Variants in NPR3 observed in about 807,000 individuals in gnomAD.
NPR3 encodes the protein natriuretic peptide receptor 3.
Under a neutral mutation model 54.5 loss-of-function variants are expected in NPR3, and 34 were observed. That is an observed-to-expected ratio of 0.62 (90% CI 0.47 to 0.83). The LOEUF is 0.83. Ranked by LOEUF, NPR3 falls within the 40% of genes least tolerant of loss-of-function variation. NPR3 has a pLI of 0.00. For missense variants in NPR3, 674 were observed against 720.8 expected (o/e 0.94, Z 0.74); for synonymous variants, 289 against 297.1 (o/e 0.97, Z 0.28).
intron 3 of NPR3, among the ~76,000 whole-genome samples, chr5:32,763,015 A>G (rs1394043124): frequency 2.0e-5 from 3 of 152,108 alleles, no homozygotes; most frequent in Non-Finnish European, 4.4e-5. Context: ...TGTATAAGGT[A>G]TAAGGAAGGG....
chr5:32,731,752 G>A (rs189540176), intron 2 of NPR3, among the ~76,000 whole-genome samples: 23 of 152,124 alleles, frequency 1.5e-4, no homozygotes, highest in Admixed American at 3.9e-4. Flanking sequence ...CAAGGACCTC[G>A]GTGCATTAGG....
Position 32,739,037 on chromosome 5 carries a change from G to C in NPR3, c.1059+7G>C. On this transcript the variant is annotated splice_region_variant and intron_variant, in intron 3 of 7. Transcript: ENST00000265074. ...GCTCAATATGGAGGATTACGTAAGT[G>C]CCTGATTATGAGCCTAGACCTTTAG... 1 of 1,613,080 alleles carries C rather than the reference G, an allele frequency of 6.2e-7. No homozygotes were observed. Among genetic ancestry groups the C allele is most frequent in the South Asian group, 1.1e-5 (1 of 90,914 alleles).
chr5:32,735,309 G>A (rs545000192), intron 2 of NPR3, among the ~76,000 whole-genome samples: 13 of 151,814 alleles, frequency 8.6e-5, no homozygotes, highest in Admixed American at 1.3e-4. Context: ...TCTCTTTGGC[G>A]TCATCTGTGA....
At chr5:32,757,443 T>C (rs1561114277) in intron 3 of NPR3, among the ~76,000 whole-genome samples, 1 of 152,240 alleles carries the variant, frequency 6.6e-6, no homozygotes, top group Non-Finnish European at 1.5e-5. Flanking sequence ...TTTTTGTACA[T>C]TGATTTTGTA....
At chr5:32,738,204 G>A (rs1057437537) in intron 2 of NPR3, among the ~76,000 whole-genome samples, 1 of 152,006 alleles carries the variant, frequency 6.6e-6, no homozygotes, top group African/African-American at 2.4e-5. Flanking sequence ...TTGTTACATA[G>A]GTATACACAT....
rs1284643848 is a variant in NPR3 at position 32,712,536 on chromosome 5, AGT to A, written c.762_763del (p.Ser254ArgfsTer11). On this transcript the variant is annotated frameshift_variant, in exon 1 of 8. Transcript: ENST00000265074. LOFTEE classifies it high-confidence loss of function. Reference sequence around the variant, plus strand: ...AGACATCGTGCGCAATATCCAGGCCAGTGAGAGAGGTGAGCAGGGGCGCGTCC... The same window carrying A: ...AGACATCGTGCGCAATATCCAGGCCAGAGAGAGGTGAGCAGGGGCGCGTCC... ...LEDIVRNIQA[S>X]ERVVIMCASS... The A allele has an allele frequency of 6.6e-7, 1 of 1,521,858 alleles. No individual in the cohort carries two copies. The highest frequency in any genetic ancestry group is 1.4e-5 in the African/African-American group (1 of 72,964). 94.3% of individuals were successfully genotyped at this position (1,521,858 alleles called of 1,614,324 possible).
intron 2 of NPR3, among the ~76,000 whole-genome samples, chr5:32,732,972 C>G (rs1026640771): frequency 1.5e-4 from 23 of 152,140 alleles, no homozygotes; most frequent in African/African-American, 5.1e-4. Flanking sequence ...AGCCTCCCGA[C>G]TAGCTGGGAT....
Position 32,788,647 on chromosome 5 carries a change from T to G in NPR3, c.*2302T>G, listed in dbSNP as rs1353131915. 1 of 152,174 alleles carries G rather than the reference T, an allele frequency of 6.6e-6. No homozygotes were observed. Among genetic ancestry groups the G allele is most frequent in the African/African-American group, 2.4e-5 (1 of 41,456 alleles). 9.4% of individuals were successfully genotyped at this position (152,174 alleles called of 1,614,324 possible). A position where few individuals can be genotyped will look rare whatever the true frequency, so the allele number is the denominator to read the frequency against. ...CTATAGCAGCCCATTAACACTAACA[T>G]TTTTAGAGCAAATATATTCTATTTT... On this transcript the variant is annotated 3_prime_UTR_variant, in exon 8 of 8. Coordinates refer to ENST00000265074, the MANE Select transcript of NPR3 (RefSeq NM_001204375.2).
rs1418613755 is a variant in NPR3, at chr5:32,788,750, A to G, written c.*2405A>G. ...TCTTAGAGATAAGTGAGCATTTAGT[A>G]TTCTAAAAGTGGCAGAACAAATCAT... On this transcript the variant is annotated 3_prime_UTR_variant, in exon 8 of 8. Transcript: ENST00000265074. The G allele has an allele frequency of 6.6e-6, 1 of 152,260 alleles. No homozygotes were observed. Among genetic ancestry groups the G allele is most frequent in the Admixed American group, 6.5e-5 (1 of 15,278 alleles). The allele number at this position is 152,260 out of a possible 1,614,324, so 9.4% of individuals were successfully genotyped here. A position where few individuals can be genotyped will look rare whatever the true frequency, so the allele number is the denominator to read the frequency against.
intron 3 of NPR3, among the ~76,000 whole-genome samples, chr5:32,741,798 T>A (rs1740050302): frequency 1.3e-5 from 2 of 151,322 alleles, no homozygotes; most frequent in Non-Finnish European, 2.9e-5. Flanking sequence ...GAGGCCTCCC[T>A]GTGTTGCTCT....
chr5:32,720,747 G>A lies in NPR3; in HGVS notation c.770-3951G>A, dbSNP rs766374447. On this transcript the variant is annotated intron_variant, in intron 1 of 7. Transcript: ENST00000265074. ...CCTTAATTAACCTCCACTTATGCAGGTCGCAGGATTAGCTGATGTCCTCTG... is the reference window on the plus strand; with the variant it reads ...CCTTAATTAACCTCCACTTATGCAGATCGCAGGATTAGCTGATGTCCTCTG... Among the ~76,000 whole-genome samples, 75 of 152,118 alleles carry A rather than the reference G, an allele frequency of 4.9e-4. 1 individual carries two copies. Among genetic ancestry groups the A allele is most frequent in the Non-Finnish European group, 9.8e-4 (67 of 68,030 alleles).
At chr5:32,713,301 A>G (rs1199577640) in intron 1 of NPR3, 6 of 985,238 alleles carry the variant, frequency 6.1e-6, no homozygotes, top group Non-Finnish European at 7.2e-6. Flanking sequence ...CCTGTCCCCC[A>G]AGTTTTCTCC....
At chr5:32,740,463 T>C in intron 3 of NPR3, among the ~76,000 whole-genome samples, 1 of 152,348 alleles carries the variant, frequency 6.6e-6, no homozygotes, top group East Asian at 1.9e-4. Context: ...ATTAATGTTT[T>C]AAATGTTACA....
chr5:32,764,094 C>T (rs1203376279), intron 3 of NPR3, among the ~76,000 whole-genome samples: 1 of 152,196 alleles, frequency 6.6e-6, no homozygotes, highest in African/African-American at 2.4e-5. Context: ...CTCTTCCGCA[C>T]AGAGGGCAGC....
chr5:32,712,459 G>C lies in NPR3; in HGVS notation c.683G>C (p.Gly228Ala), dbSNP rs770169526. ...EGVHEVFQEEGLHTSIYSFDE... is the reference protein window; with the variant it reads ...EGVHEVFQEEALHTSIYSFDE... ...GTCCACGAGGTCTTCCAGGAGGAGG[G>C]TTTGCACACGTCCATCTACAGTTTC... The change falls in exon 1 of 8, where the codon GGT becomes GCT. Residue 228 changes from glycine (G) to alanine (A), a missense_variant. Gly to Ala is a moderately conservative substitution (Grantham distance 60). Coordinates refer to ENST00000265074, the MANE Select transcript of NPR3 (RefSeq NM_001204375.2). The C allele has an allele frequency of 6.2e-7, 1 of 1,605,912 alleles. No homozygotes were observed. The highest frequency in any genetic ancestry group is 8.5e-7 in the Non-Finnish European group (1 of 1,177,552).
chr5:32,756,800 C>G (rs1053892555), intron 3 of NPR3, among the ~76,000 whole-genome samples: 4 of 152,160 alleles, frequency 2.6e-5, no homozygotes, highest in Admixed American at 1.3e-4. Context: ...AGGAAGTGAT[C>G]CAGTTTCAGC....
At chr5:32,755,009 C>T (rs1002699310) in intron 3 of NPR3, among the ~76,000 whole-genome samples, 1 of 152,110 alleles carries the variant, frequency 6.6e-6, no homozygotes, top group Non-Finnish European at 1.5e-5. Flanking sequence ...TACAGGCGCC[C>T]GCCACCACGC....
At chr5:32,763,767 T>C (rs1039340506) in intron 3 of NPR3, among the ~76,000 whole-genome samples, 1 of 152,180 alleles carries the variant, frequency 6.6e-6, no homozygotes, top group African/African-American at 2.4e-5. Flanking sequence ...CCCCCGCATG[T>C]CCAGTATGTT....
At chr5:32,778,665 G>A (rs568307087) in intron 4 of NPR3, among the ~76,000 whole-genome samples, 1 of 152,270 alleles carries the variant, frequency 6.6e-6, no homozygotes, top group African/African-American at 2.4e-5. Context: ...TTATGTACAG[G>A]AAAATTCTAC....
Sources: gnomAD v4.1 joint callset for allele counts (sites outside exome capture counted in the v4.1 genomes callset) on GRCh38, gnomAD v4.1.1 for gene constraint, MANE v1.5 for transcripts, NCBI Gene and HGNC (gene_info 2026-07-23, HGNC 2026-07-21) for gene names.